CELSR1: variants seen among roughly 807,000 people sequenced by gnomAD.
The protein encoded by CELSR1 is adhesion G protein-coupled receptor C1.
A neutral mutation model predicts 249.1 loss-of-function variants in CELSR1; 110 were observed. The observed-to-expected ratio is 0.44, with a 90% CI of 0.38 to 0.52. The LOEUF (loss-of-function observed/expected upper bound fraction) is 0.52. Ranked by LOEUF, CELSR1 falls within the 20% of genes least tolerant of loss-of-function variation. The pLI, the probability that CELSR1 is intolerant of heterozygous loss-of-function variation, is 0.00. For missense variants in CELSR1, 4,109 were observed against 4,296.4 expected (o/e 0.96, Z 1.22); for synonymous variants, 2,113 against 1,900.0 (o/e 1.11, Z -2.92).
In CELSR1 at chr22:46,409,074, C is replaced by T. The variant is rs754993527; in HGVS notation, c.5148G>A (p.Gly1716=). ...CCTCCTTCCGGGTCCGGAACATGAG[C>T]CCCAGGTACCAGGGCACAGAGATGA... The part of the protein sequence containing the change: ...NIIISVPWYL[G]LMFRTRKEDS... The change falls in exon 9 of 35, where the codon GGG becomes GGA. Residue 1716 remains glycine, a synonymous_variant. Coordinates refer to ENST00000674500, the MANE Select transcript of CELSR1 (RefSeq NM_001378328.1). The surrounding 1 kb of genome is among the most constrained non-coding windows in gnomAD (Gnocchi z 9.8). The T allele has an allele frequency of 1.2e-5, 19 of 1,612,614 alleles. No individual in the cohort carries two copies. The African/African-American group carries it at 2.4e-4, about 20-fold the overall frequency.
intron 28 of CELSR1, 51 bp from the exon 29 acceptor site, chr22:46,367,169 T>C (rs1183772636): frequency 7.6e-6 from 12 of 1,588,092 alleles, no homozygotes; most frequent in Non-Finnish European, 9.4e-6. Flanking sequence ...CCTAGGCACC[T>C]GCCCTTAGGC....
Position 46,362,398 on chromosome 22 carries a change from A to G in CELSR1, c.*825T>C, listed in dbSNP as rs963476691. ...CGGGGCAGATGGCAGCAGAGGACAA[A>G]CGCACACACAGCGAACACTGGGGAC... On this transcript the variant is annotated 3_prime_UTR_variant, in exon 35 of 35. Coordinates refer to ENST00000674500, the MANE Select transcript of CELSR1 (RefSeq NM_001378328.1). 1.3e-5 allele frequency: 2 copies of G among 152,602 alleles called. No individual in the cohort carries two copies. The highest frequency in any genetic ancestry group is 2.9e-5 in the Non-Finnish European group (2 of 68,206). The allele number at this position is 152,602 out of a possible 1,614,324, so 9.5% of individuals were successfully genotyped here.
chr22:46,380,411 G>A lies in CELSR1; in HGVS notation c.7256+377C>T, dbSNP rs750305765. ...GGCCAGTCTCTGGGTTCTGTCTCCC[G>A]TGTGTGACCGGAATGGGCCTGTCTT... On this transcript the variant is annotated intron_variant, in intron 22 of 34. Transcript: ENST00000674500. The surrounding 1 kb of genome is among the most constrained non-coding windows in gnomAD (Gnocchi z 5.1). Among the ~76,000 whole-genome samples, 1 of 152,240 alleles carries A rather than the reference G, an allele frequency of 6.6e-6. No homozygotes were observed. The highest frequency in any genetic ancestry group is 2.4e-5 in the African/African-American group (1 of 41,466).
chr22:46,364,679 C>T lies in CELSR1; in HGVS notation c.8612G>A (p.Ser2871Asn). 6.2e-7 allele frequency: 1 copy of T among 1,612,634 alleles called. No homozygotes were observed. Among genetic ancestry groups the T allele is most frequent in the Non-Finnish European group, 8.5e-7 (1 of 1,179,898 alleles). ...CTTGCCGCTGGGGTCCTCACTGTCA[C>T]TCTCAGCCAGGCTCTGGTCGGGCCA... ...AGWPDQSLAE[S>N]DSEDPSGKPR... Residue 2871 changes from serine to asparagine, a missense_variant, in exon 33 of 35, where the codon AGT (serine) becomes AAT (asparagine). Ser to Asn is a conservative substitution (Grantham distance 46, BLOSUM62 1). Around this residue, in one of 7 missense-constraint regions of CELSR1, gnomAD observed 1,805 missense variants for 1,831.6 expected, o/e 0.99. Coordinates refer to ENST00000674500, the MANE Select transcript of CELSR1 (RefSeq NM_001378328.1).
intron 1 of CELSR1, among the ~76,000 whole-genome samples, chr22:46,476,941 T>G (rs2147646055): frequency 6.6e-6 from 1 of 152,340 alleles, no homozygotes; most frequent in African/African-American, 2.4e-5. Context: ...TCACCTCAAT[T>G]TTTTTAAAAG....
rs1456514028 is a variant in CELSR1 at position 46,512,928 on chromosome 22, ACGT to A, written c.3544+20696_3544+20698del. Among the ~76,000 whole-genome samples the A allele has an allele frequency of 1.3e-5, 2 of 152,170 alleles. No individual in the cohort carries two copies. Among genetic ancestry groups the A allele is most frequent in the East Asian group, 3.9e-4 (2 of 5,192 alleles). On this transcript the variant is annotated intron_variant, in intron 1 of 34. Transcript: ENST00000674500. The surrounding 1 kb of genome is among the most constrained non-coding windows in gnomAD (Gnocchi z 5.2). ...CCCGGGTGGCCCCGCATGGCAGGCG[ACGT>A]CCTCCTCCAGGCTGGGCCTCTGTGC...
chr22:46,452,176 A>G (rs2147525544), intron 2 of CELSR1, among the ~76,000 whole-genome samples: 1 of 152,250 alleles, frequency 6.6e-6, no homozygotes, highest in Middle Eastern at 3.4e-3. Context: ...CGAGGCCCAG[A>G]ACACACCGAG....
chr22:46,491,562 C>T (rs756850749), intron 1 of CELSR1, among the ~76,000 whole-genome samples: 18 of 151,222 alleles, frequency 1.2e-4, no homozygotes, highest in South Asian at 2.1e-4. Context: ...CACGCCCAGC[C>T]GTGAGAAAGT....
At chr22:46,370,407 TACACACGTGCACACCAC>T (rs1170414805) in intron 25 of CELSR1, among the ~76,000 whole-genome samples, 2 of 151,412 alleles carry the variant, frequency 1.3e-5, no homozygotes, top group Non-Finnish European at 1.5e-5. Context: ...GCACACACCA[TACACACGTGCACACCAC>T]ACACACACCC....
chr22:46,439,426 G>A lies in CELSR1; in HGVS notation c.4184-15C>T. On this transcript the variant is annotated splice_polypyrimidine_tract_variant and intron_variant, in intron 2 of 34. Transcript: ENST00000674500. ...ACAGTGCTCTCCTGGGGGGCGAGAG[G>A]AAGATGCCAGAGAGGAGGTTACCGA... The A allele has an allele frequency of 6.2e-7, 1 of 1,600,730 alleles. No homozygotes were observed. The highest frequency in any genetic ancestry group is 2.3e-5 in the East Asian group (1 of 44,258).
intron 5 of CELSR1, among the ~76,000 whole-genome samples, chr22:46,416,120 G>A (rs1351038006): frequency 3.3e-5 from 5 of 150,154 alleles, no homozygotes. Context: ...GGCGGATAAG[G>A]AATGAGACAG....
intron 1 of CELSR1, among the ~76,000 whole-genome samples, chr22:46,489,649 A>G (rs2080348385): frequency 6.6e-6 from 1 of 152,114 alleles, no homozygotes; most frequent in South Asian, 2.1e-4. Context: ...ACGGTGGCTC[A>G]TACCTGTAAT....
In CELSR1 at chr22:46,423,358, C is replaced by G. The variant is rs941108365; in HGVS notation, c.4611+10035G>C. Among the ~76,000 whole-genome samples the G allele has an allele frequency of 6.6e-6, 1 of 151,866 alleles. No individual in the cohort carries two copies. The highest frequency in any genetic ancestry group is 2.4e-5 in the African/African-American group (1 of 41,310). ...GCGCGGTGGCTCACGCCTGTAATCC[C>G]AGCACTTTGGGAGGCCGAGGGGGGC... On this transcript the variant is annotated intron_variant, in intron 5 of 34. Coordinates refer to ENST00000674500, the MANE Select transcript of CELSR1 (RefSeq NM_001378328.1). The surrounding 1 kb of genome is among the most constrained non-coding windows in gnomAD (Gnocchi z 5.6).
chr22:46,536,645 C>A lies in CELSR1; in HGVS notation c.526G>T (p.Gly176Cys). The change falls in exon 1 of 35, where the codon GGC (glycine) becomes TGC (cysteine). Residue 176 changes from glycine to cysteine, a missense_variant. Physicochemically the swap from Gly to Cys is radical, Grantham distance 159. Around this residue, in one of 7 missense-constraint regions of CELSR1, gnomAD observed 673 missense variants for 636.8 expected, o/e 1.06. Transcript: ENST00000674500. ...CPGRPICLPPGGSVRLRLLCA... is the reference protein window; with the variant it reads ...CPGRPICLPPCGSVRLRLLCA... The stretch of plus-strand genomic sequence containing the variant: ...AGCAGACGCAGGCGGACCGAGCCGC[C>A]CGGCGGCAGGCAGATGGGACGGCCG... The A allele has an allele frequency of 8.6e-7, 1 of 1,167,174 alleles. No homozygotes were observed. Among genetic ancestry groups the A allele is most frequent in the Non-Finnish European group, 1.1e-6 (1 of 948,296 alleles). The allele number at this position is 1,167,174 out of a possible 1,614,324, so 72.3% of individuals were successfully genotyped here. A position where few individuals can be genotyped will look rare whatever the true frequency, so the allele number is the denominator to read the frequency against.
rs1036642201 is a variant in CELSR1, at chr22:46,472,150, G to A, written c.3545-7805C>T. Among the ~76,000 whole-genome samples, 6 of 152,200 alleles carry A rather than the reference G, an allele frequency of 3.9e-5. No individual in the cohort carries two copies. Among genetic ancestry groups the A allele is most frequent in the African/African-American group, 1.4e-4 (6 of 41,458 alleles). ...TCACCTCATTGTGGCTGAGACATGG[G>A]AAGGAGACAGAGCAGACGGCAGAGC... On this transcript the variant is annotated intron_variant, in intron 1 of 34. Coordinates refer to ENST00000674500, the MANE Select transcript of CELSR1 (RefSeq NM_001378328.1). This position sits in a 1 kb window ranked among gnomAD's most constrained non-coding sequence, Gnocchi z 7.0.
chr22:46,484,987 G>A lies in CELSR1; in HGVS notation c.3545-20642C>T, dbSNP rs1268115164. ...TTAAATATTTGCTGAGAAAATTCCAGTCCTAAATTTCAAGAGACTGATTCA... is the reference window on the plus strand; with the variant it reads ...TTAAATATTTGCTGAGAAAATTCCAATCCTAAATTTCAAGAGACTGATTCA... On this transcript the variant is annotated intron_variant, in intron 1 of 34. Transcript: ENST00000674500. The surrounding 1 kb of genome is among the most constrained non-coding windows in gnomAD (Gnocchi z 4.5). 1.3e-5 allele frequency among the ~76,000 whole-genome samples: 2 copies of A among 151,924 alleles called. No homozygotes were observed. Among genetic ancestry groups the A allele is most frequent in the Non-Finnish European group, 2.9e-5 (2 of 68,018 alleles).
In CELSR1 at chr22:46,401,870, TGAGGTCAG is replaced by T. The variant is rs1181147633; in HGVS notation, c.5227-1976_5227-1969del. ...GGGAGACCAAGGCGGGTGGATCACC[TGAGGTCAG>T]GAGTTTGAGACCAGCCTGACCAACA... is the stretch of plus-strand genomic sequence containing the variant. On this transcript the variant is annotated intron_variant, in intron 9 of 34. Transcript: ENST00000674500. The surrounding 1 kb of genome is among the most constrained non-coding windows in gnomAD (Gnocchi z 4.7). Among the ~76,000 whole-genome samples the T allele has an allele frequency of 2.0e-5, 3 of 152,164 alleles. No individual in the cohort carries two copies. The highest frequency in any genetic ancestry group is 7.2e-5 in the African/African-American group (3 of 41,438).
At position 46,472,056 on chromosome 22, in the gene CELSR1, G is replaced by A. The variant is rs1427397817; in HGVS notation, c.3545-7711C>T. On this transcript the variant is annotated intron_variant, in intron 1 of 34. Coordinates refer to ENST00000674500, the MANE Select transcript of CELSR1 (RefSeq NM_001378328.1). The surrounding 1 kb of genome is among the most constrained non-coding windows in gnomAD (Gnocchi z 7.0). Reference sequence around the variant, plus strand: ...CCCGTGCTCCAGGCATTCCTCCCAGGCCTGGAGCGGCTCCGCGGCACCTCA... The same window carrying A: ...CCCGTGCTCCAGGCATTCCTCCCAGACCTGGAGCGGCTCCGCGGCACCTCA... Among the ~76,000 whole-genome samples the A allele has an allele frequency of 6.6e-6, 1 of 152,126 alleles. No homozygotes were observed. The highest frequency in any genetic ancestry group is 1.5e-5 in the Non-Finnish European group (1 of 68,018).
intron 1 of CELSR1, among the ~76,000 whole-genome samples, chr22:46,483,884 C>T (rs2080290589): frequency 6.6e-6 from 1 of 152,168 alleles, no homozygotes; most frequent in Non-Finnish European, 1.5e-5. Flanking sequence ...ACTGCAGAGG[C>T]TTAATGAGGA....
Sources: allele counts gnomAD v4.1 joint callset (sites outside exome capture counted in the v4.1 genomes callset), GRCh38; gene constraint gnomAD v4.1.1; regional missense constraint gnomAD v4.1.1; non-coding constraint Gnocchi (gnomAD v3.1); transcripts MANE v1.5; gene names NCBI Gene and HGNC (gene_info 2026-07-23, HGNC 2026-07-21).